Variants in AMMECR1L observed in about 807,000 individuals in gnomAD.
AMMECR1L encodes the protein AMMECR1 like.
A neutral mutation model predicts 36.8 loss-of-function variants in AMMECR1L; 4 were observed. The ratio of observed to expected loss-of-function variants is 0.11; its 90% CI spans 0.05 to 0.25. AMMECR1L has a LOEUF of 0.25. Ranked by LOEUF, AMMECR1L falls within the 10% of genes least tolerant of loss-of-function variation. The pLI, the probability that AMMECR1L is intolerant of heterozygous loss-of-function variation, is 1.00. For missense variants in AMMECR1L, 232 were observed against 392.1 expected (o/e 0.59, Z 3.45); for synonymous variants, 147 against 148.0 (o/e 0.99, Z 0.05).
At position 127,871,782 on chromosome 2, in the gene AMMECR1L, C is replaced by T. The variant is rs1202825911; in HGVS notation, c.408-423G>A. Reference sequence around the variant, plus strand: ...TCACCTGCACAGCCCCGTTCATCTGCAAACCCATGTTGCTTCCATGATCAT... The same window carrying T: ...TCACCTGCACAGCCCCGTTCATCTGTAAACCCATGTTGCTTCCATGATCAT... On this transcript the variant is annotated intron_variant, in intron 3 of 7. Transcript: ENST00000272647. This position sits in a 1 kb window ranked among gnomAD's most constrained non-coding sequence, Gnocchi z 4.3. Among the ~76,000 whole-genome samples, 1 of 152,178 alleles carries T rather than the reference C, an allele frequency of 6.6e-6. No individual in the cohort carries two copies. The highest frequency in any genetic ancestry group is 2.4e-5 in the African/African-American group (1 of 41,424).
intron 2 of AMMECR1L, among the ~76,000 whole-genome samples, chr2:127,879,175 C>T (rs763157521): frequency 6.6e-6 from 1 of 152,162 alleles, no homozygotes; most frequent in Non-Finnish European, 1.5e-5. Flanking sequence ...GCGTGTTTGT[C>T]GCCACCCAAG....
chr2:127,864,852 A>C lies in AMMECR1L; in HGVS notation c.*242T>G. Reference sequence around the variant, plus strand: ...TTCCCACTAGTCATGGAGGAGCCCCAATCCAACGGAACCCCATATTGAGGA... The same window carrying C: ...TTCCCACTAGTCATGGAGGAGCCCCCATCCAACGGAACCCCATATTGAGGA... On this transcript the variant is annotated 3_prime_UTR_variant, in exon 8 of 8. Transcript: ENST00000272647. The C allele has an allele frequency of 3.0e-6, 1 of 334,286 alleles. No homozygotes were observed. Among genetic ancestry groups the C allele is most frequent in the Non-Finnish European group, 5.5e-6 (1 of 180,242 alleles). 20.7% of individuals were successfully genotyped at this position (334,286 alleles called of 1,614,324 possible). A position where few individuals can be genotyped will look rare whatever the true frequency, so the allele number is the denominator to read the frequency against.
Position 127,865,053 on chromosome 2 carries a change from T to G in AMMECR1L, c.*41A>C. On this transcript the variant is annotated 3_prime_UTR_variant, in exon 8 of 8. Transcript: ENST00000272647. The surrounding 1 kb of genome is among the most constrained non-coding windows in gnomAD (Gnocchi z 5.4). Reference sequence around the variant, plus strand: ...TCTGCTCCAATGATGTCATAGCCATTGGTGGCCACGGGGGGGTGGGACTGG... The same window carrying G: ...TCTGCTCCAATGATGTCATAGCCATGGGTGGCCACGGGGGGGTGGGACTGG... 1 of 1,423,838 alleles carries G rather than the reference T, an allele frequency of 7.0e-7. No homozygotes were observed. Among genetic ancestry groups the G allele is most frequent in the Non-Finnish European group, 9.9e-7 (1 of 1,013,542 alleles). 88.2% of individuals were successfully genotyped at this position (1,423,838 alleles called of 1,614,324 possible). A position where few individuals can be genotyped will look rare whatever the true frequency, so the allele number is the denominator to read the frequency against.
At chr2:127,885,671 G>A in intron 1 of AMMECR1L, 139 bp downstream of exon 1, 1 of 983,670 alleles carries the variant, frequency 1.0e-6, no homozygotes, top group East Asian at 1.1e-4. Context: ...CCGGACCCTC[G>A]CCCCAGGACC....
At chr2:127,882,470 A>C (rs1466936675) in intron 2 of AMMECR1L, among the ~76,000 whole-genome samples, 1 of 152,180 alleles carries the variant, frequency 6.6e-6, no homozygotes, top group Non-Finnish European at 1.5e-5. Flanking sequence ...AGTCAGAAAA[A>C]CCCACATACA....
intron 6 of AMMECR1L, chr2:127,867,364 T>A: frequency 1.1e-6 from 1 of 921,520 alleles, no homozygotes; most frequent in Non-Finnish European, 1.3e-6. Flanking sequence ...GAGAGGAATT[T>A]AAATTCTGCA....
intron 5 of AMMECR1L, among the ~76,000 whole-genome samples, chr2:127,870,370 G>A (rs1690907815): frequency 6.6e-6 from 1 of 151,814 alleles, no homozygotes. Flanking sequence ...AGCTACTTGG[G>A]ACACTGAGGC....
In AMMECR1L at chr2:127,871,347, C is replaced by T; in HGVS notation, c.420G>A (p.Val140=). 6.2e-7 allele frequency: 1 copy of T among 1,613,926 alleles called. No homozygotes were observed. Among genetic ancestry groups the T allele is most frequent in the Non-Finnish European group, 8.5e-7 (1 of 1,180,028 alleles). ...GCTTGTCCCGCCCTGTCTTCCACGT[C>T]ACAAAGAGCGGACTAAAAAAAGCAA... ...RFTNDPYPLF[V]TWKTGRDKRL... The change falls in exon 4 of 8, where the codon GTG becomes GTA. Residue 140 remains valine, a synonymous_variant. Transcript: ENST00000272647. The surrounding 1 kb of genome is among the most constrained non-coding windows in gnomAD (Gnocchi z 4.3).
In AMMECR1L at chr2:127,862,074, T is replaced by TC. The variant is rs1690492166; in HGVS notation, c.*3019dup. The TC allele has an allele frequency of 6.5e-6, 1 of 152,766 alleles. No individual in the cohort carries two copies. Among genetic ancestry groups the TC allele is most frequent in the African/African-American group, 2.4e-5 (1 of 41,460 alleles). 9.5% of individuals were successfully genotyped at this position (152,766 alleles called of 1,614,324 possible). A position where few individuals can be genotyped will look rare whatever the true frequency, so the allele number is the denominator to read the frequency against. On this transcript the variant is annotated 3_prime_UTR_variant, in exon 8 of 8. Transcript: ENST00000272647. ...TTTAAGAATCTCACAGTGGAAATAATCCAACACCGACAGACTCTAGTGATC... is the reference window on the plus strand; with the variant it reads ...TTTAAGAATCTCACAGTGGAAATAATCCCAACACCGACAGACTCTAGTGATC...
chr2:127,872,225 G>A (rs1365234175), intron 3 of AMMECR1L, among the ~76,000 whole-genome samples: 3 of 151,276 alleles, frequency 2.0e-5, no homozygotes, highest in African/African-American at 7.3e-5. Flanking sequence ...AAAAAATAGA[G>A]GGGGGCCTCA....
intron 3 of AMMECR1L, among the ~76,000 whole-genome samples, chr2:127,872,799 C>T (rs1314133149): frequency 1.3e-5 from 2 of 152,186 alleles, no homozygotes; most frequent in Non-Finnish European, 1.5e-5. Context: ...CTCTCTCTTA[C>T]GTGGGGCACC....
Position 127,864,363 on chromosome 2 carries a change from G to A in AMMECR1L, c.*731C>T, listed in dbSNP as rs547698435. 262 of 152,756 alleles carry A rather than the reference G, an allele frequency of 1.7e-3. 2 individuals carry two copies. Among genetic ancestry groups the A allele is most frequent in the African/African-American group, 5.5e-3 (229 of 41,542 alleles). The allele number at this position is 152,756 out of a possible 1,614,324, so 9.5% of individuals were successfully genotyped here. On this transcript the variant is annotated 3_prime_UTR_variant, in exon 8 of 8. Transcript: ENST00000272647. ...TCCATTCCTCAGCAGGCTACATGACGGAGCTCTGTTCAGTAATCAGGAGAC... is the reference window on the plus strand; with the variant it reads ...TCCATTCCTCAGCAGGCTACATGACAGAGCTCTGTTCAGTAATCAGGAGAC...
chr2:127,875,170 G>GT (rs1029504385), intron 2 of AMMECR1L, among the ~76,000 whole-genome samples: 1 of 151,662 alleles, frequency 6.6e-6, no homozygotes, highest in African/African-American at 2.4e-5. Context: ...TTTTTTAATT[G>GT]TTTTTTTCTT....
rs1690964242 is a variant in AMMECR1L, at chr2:127,871,508, TCTGAAAACGGCACAGCCCCTGG to T, written c.408-171_408-150del. 5.3e-6 allele frequency: 4 copies of T among 755,440 alleles called. No individual in the cohort carries two copies. The East Asian group carries it at 1.1e-4, about 20-fold the overall frequency. The allele number at this position is 755,440 out of a possible 1,614,324, so 46.8% of individuals were successfully genotyped here. On this transcript the variant is annotated intron_variant, in intron 3 of 7. Coordinates refer to ENST00000272647, the MANE Select transcript of AMMECR1L (RefSeq NM_001199140.2). This position sits in a 1 kb window ranked among gnomAD's most constrained non-coding sequence, Gnocchi z 4.3. ...AGCTACCCGAAGGACTCTCTGCCTT[TCTGAAAACGGCACAGCCCCTGG>T]CTGGAAACGGGAAACCTACAAGGCA...
chr2:127,874,003 G>A lies in AMMECR1L; in HGVS notation c.232C>T (p.Arg78Ter). Reference sequence around the variant, plus strand: ...AGCGCTCCCGATGCGGGATTCATTCGTGTGATGGGAGAGTTTCCAGGTCCC... The same window carrying A: ...AGCGCTCCCGATGCGGGATTCATTCATGTGATGGGAGAGTTTCCAGGTCCC... ...TLGPGNSPIT[R>*]MNPASGALSP... Residue 78 changes from arginine to a stop codon, truncating the protein, a stop_gained, in exon 3 of 8, where the codon CGA becomes TGA. Coordinates refer to ENST00000272647, the MANE Select transcript of AMMECR1L (RefSeq NM_001199140.2). LOFTEE classifies it high-confidence loss of function. The surrounding 1 kb of genome is among the most constrained non-coding windows in gnomAD (Gnocchi z 5.2). The A allele has an allele frequency of 1.2e-6, 2 of 1,614,220 alleles. No homozygotes were observed. The highest frequency in any genetic ancestry group is 8.5e-7 in the Non-Finnish European group (1 of 1,180,046).
rs1690957389 is a variant in AMMECR1L, at chr2:127,871,385, T to C, written c.408-26A>G. On this transcript the variant is annotated intron_variant, in intron 3 of 7. Transcript: ENST00000272647. This position sits in a 1 kb window ranked among gnomAD's most constrained non-coding sequence, Gnocchi z 4.3. ...CTAAAAAAAGCAAAACACAAAACAT[T>C]CTCCAGCCCCAAATTAATCATGGAT... 7 of 1,603,304 alleles carry C rather than the reference T, an allele frequency of 4.4e-6. No homozygotes were observed. In the Admixed American group the frequency reaches 6.7e-5, roughly 15 times the overall value.
chr2:127,879,430 T>C (rs1691392308), intron 2 of AMMECR1L, among the ~76,000 whole-genome samples: 1 of 152,206 alleles, frequency 6.6e-6, no homozygotes, highest in Non-Finnish European at 1.5e-5. Context: ...CCTTCCGCCA[T>C]GAGTAAAACC....
At position 127,874,312 on chromosome 2, in the gene AMMECR1L, A is replaced by G. The variant is rs1014249934; in HGVS notation, c.-38-40T>C. 2.6e-6 allele frequency: 4 copies of G among 1,538,322 alleles called. No individual in the cohort carries two copies. In the African/African-American group the frequency reaches 5.6e-5, roughly 21 times the overall value. ...AAGTTAAGCATTAATTTGACTGGTT[A>G]GTTAAAAGGAGAGGAAAAAACATCA... On this transcript the variant is annotated intron_variant, in intron 2 of 7. Coordinates refer to ENST00000272647, the MANE Select transcript of AMMECR1L (RefSeq NM_001199140.2). This position sits in a 1 kb window ranked among gnomAD's most constrained non-coding sequence, Gnocchi z 5.2.
chr2:127,872,308 G>GAGATTAC (rs1044252678), intron 3 of AMMECR1L, among the ~76,000 whole-genome samples: 3 of 151,852 alleles, frequency 2.0e-5, no homozygotes, highest in African/African-American at 7.3e-5. Flanking sequence ...GAAGTGCTGA[G>GAGATTAC]AGATTACAGA....
Sources: allele counts gnomAD v4.1 joint callset (sites outside exome capture counted in the v4.1 genomes callset), GRCh38; gene constraint gnomAD v4.1.1; non-coding constraint Gnocchi (gnomAD v3.1); transcripts MANE v1.5; gene names NCBI Gene and HGNC (gene_info 2026-07-23, HGNC 2026-07-21).